COPG2: variants seen among roughly 807,000 people sequenced by gnomAD.
COPG2 encodes the protein coatomer subunit gamma-2.
Under a neutral mutation model 46.3 loss-of-function variants are expected in COPG2, and 37 were observed. The ratio of observed to expected loss-of-function variants is 0.80; its 90% CI spans 0.61 to 1.05. The LOEUF is 1.05. Ranked by LOEUF, COPG2 falls within the 50% of genes least tolerant of loss-of-function variation. The pLI is 0.00. For synonymous variants in COPG2, 159 were observed against 129.7 expected, an observed-to-expected ratio of 1.23 and a Z score of -1.53; for missense variants, 427 against 387.8, an observed-to-expected ratio of 1.10 and a Z score of -0.85.
At chr7:130,641,175 CA>C (rs34617870) in intron 5 of COPG2, among the ~76,000 whole-genome samples, 19,120 of 87,430 alleles carry the variant, frequency 0.22, 787 homozygotes, top group Middle Eastern at 0.28. Context: ...CCCTACCTCT[CA>C]AAAAAAAAAA....
chr7:130,574,652 C>T (rs966268964), intron 9 of COPG2, among the ~76,000 whole-genome samples: 2 of 152,010 alleles, frequency 1.3e-5, no homozygotes, highest in African/African-American at 4.8e-5. Flanking sequence ...CACCTCCCCC[C>T]CCAAAAAAAT....
chr7:130,583,999 G>T (rs527761923), intron 9 of COPG2, among the ~76,000 whole-genome samples: 1 of 151,468 alleles, frequency 6.6e-6, no homozygotes, highest in African/African-American at 2.4e-5. Flanking sequence ...ACCATGAAAG[G>T]ACATAACAAA....
intron 14 of COPG2, among the ~76,000 whole-genome samples, chr7:130,553,854 T>TA (rs1215964676): frequency 3.3e-5 from 5 of 152,210 alleles, no homozygotes; most frequent in African/African-American, 1.2e-4. Context: ...GTTCAGTCAA[T>TA]AGCACATCAA....
intron 5 of COPG2, among the ~76,000 whole-genome samples, chr7:130,623,131 A>G (rs10239175): frequency 0.16 from 23,585 of 152,018 alleles, 3,502 homozygotes; most frequent in African/African-American, 0.39. Flanking sequence ...ACTCAGAAAT[A>G]TATAATCCTG....
rs558617588 is a variant in COPG2, at chr7:130,607,274, T to G, written c.737+3679A>C. On this transcript the variant is annotated intron_variant, in intron 9 of 23. Coordinates refer to ENST00000425248, the MANE Select transcript of COPG2 (RefSeq NM_012133.6). ...ATAAATAAATAAATAAATAAATAAA[T>G]AAATAAATAAAGTCATGGACAAATT... Among the ~76,000 whole-genome samples, 688 of 151,668 alleles carry G rather than the reference T, an allele frequency of 4.5e-3. 4 individuals are homozygous for G. The highest frequency in any genetic ancestry group is 6.4e-3 in the Non-Finnish European group (434 of 67,904).
intron 9 of COPG2, among the ~76,000 whole-genome samples, chr7:130,585,280 C>T (rs535967927): frequency 6.6e-6 from 1 of 152,186 alleles, no homozygotes; most frequent in South Asian, 2.1e-4. Flanking sequence ...CAGAATGAAA[C>T]TGGATCCTCA....
At chr7:130,587,045 G>A (rs531095323) in intron 9 of COPG2, among the ~76,000 whole-genome samples, 1 of 149,574 alleles carries the variant, frequency 6.7e-6, no homozygotes, top group East Asian at 1.9e-4. Flanking sequence ...GGTGGCTCAC[G>A]CTTGTAATCC....
Position 130,589,999 on chromosome 7 carries a change from C to T in COPG2, c.737+20954G>A, listed in dbSNP as rs374137413. Among the ~76,000 whole-genome samples the T allele has an allele frequency of 2.1e-3, 315 of 152,170 alleles. 2 individuals carry two copies. Among genetic ancestry groups the T allele is most frequent in the African/African-American group, 6.8e-3 (281 of 41,514 alleles). On this transcript the variant is annotated intron_variant, in intron 9 of 23. Coordinates refer to ENST00000425248, the MANE Select transcript of COPG2 (RefSeq NM_012133.6). ...TTATGTATTTTTTAATCGTAAAAGA[C>T]GTTAAATTTTTGTTGTAAAAACTAT...
chr7:130,566,655 C>T (rs1793808404), intron 9 of COPG2, among the ~76,000 whole-genome samples: 1 of 152,130 alleles, frequency 6.6e-6, no homozygotes, highest in Admixed American at 6.5e-5. Context: ...CAATTTTAGG[C>T]CTGGGAGGGA....
intron 9 of COPG2, among the ~76,000 whole-genome samples, chr7:130,576,734 G>C (rs960186925): frequency 6.6e-6 from 1 of 151,976 alleles, no homozygotes; most frequent in African/African-American, 2.4e-5. Context: ...CCTAAACCTA[G>C]CAGAAGAAAG....
intron 9 of COPG2, among the ~76,000 whole-genome samples, chr7:130,592,638 A>C (rs1323483147): frequency 1.3e-5 from 2 of 152,220 alleles, no homozygotes; most frequent in Non-Finnish European, 2.9e-5. Context: ...AAAATATAGC[A>C]AACACGCCAG....
At chr7:130,620,048 C>T (rs111620247) in intron 5 of COPG2, among the ~76,000 whole-genome samples, 128 of 152,274 alleles carry the variant, frequency 8.4e-4, no homozygotes, top group African/African-American at 2.8e-3. Flanking sequence ...TATTGGAATA[C>T]AGTATGCTAT....
intron 12 of COPG2, among the ~76,000 whole-genome samples, chr7:130,557,820 A>AAAAAAAAAC: frequency 6.8e-6 from 1 of 146,004 alleles, no homozygotes; most frequent in African/African-American, 2.5e-5. Flanking sequence ...TCCATCTCAA[A>AAAAAAAAAC]AAAAAAAAAA....
rs1795108346 is a variant in COPG2, at chr7:130,625,766, A to AT, written c.324-8702dup. On this transcript the variant is annotated intron_variant, in intron 5 of 23. Transcript: ENST00000425248. ...ATTTAATAATTAGATATGTTTTTCT[A>AT]TTTTTTCCTCATTAATTTCTGTTTT... 2.0e-5 allele frequency among the ~76,000 whole-genome samples: 3 copies of AT among 149,414 alleles called. No individual in the cohort carries two copies. In the South Asian group the frequency reaches 6.3e-4, roughly 32 times the overall value.
At chr7:130,594,860 A>G (rs921255738) in intron 9 of COPG2, among the ~76,000 whole-genome samples, 1 of 152,184 alleles carries the variant, frequency 6.6e-6, no homozygotes, top group South Asian at 2.1e-4. Context: ...AAAGACAGAC[A>G]ATGACAAGTG....
At chr7:130,606,647 G>A (rs1794738292) in intron 9 of COPG2, among the ~76,000 whole-genome samples, 1 of 152,184 alleles carries the variant, frequency 6.6e-6, no homozygotes, top group African/African-American at 2.4e-5. Flanking sequence ...TTATCTTGCT[G>A]TTTACAGTAA....
At chr7:130,668,078 C>A (rs1554461737) in intron 1 of COPG2, among the ~76,000 whole-genome samples, 1 of 152,138 alleles carries the variant, frequency 6.6e-6, no homozygotes, top group Non-Finnish European at 1.5e-5. Context: ...CAAAGACGGG[C>A]ATCAAGACGC....
chr7:130,655,591 T>A (rs1795834020), intron 4 of COPG2, among the ~76,000 whole-genome samples: 1 of 152,144 alleles, frequency 6.6e-6, no homozygotes, highest in South Asian at 2.1e-4. Context: ...CCCCTCTTTT[T>A]TCTCTCCAGC....
In COPG2 at chr7:130,536,596, G is replaced by A. The variant is rs1272490601; in HGVS notation, c.2149+11078C>T. 4.6e-5 allele frequency among the ~76,000 whole-genome samples: 7 copies of A among 152,220 alleles called. No individual in the cohort carries two copies. The East Asian group carries it at 5.8e-4, about 13-fold the overall frequency. On this transcript the variant is annotated intron_variant, in intron 20 of 23. Coordinates refer to ENST00000425248, the MANE Select transcript of COPG2 (RefSeq NM_012133.6). Reference sequence around the variant, plus strand: ...TCGGGTGAGAATCACTGGTGGACGCGGGAGGATGGAGAGCCGGACAGACAT... The same window carrying A: ...TCGGGTGAGAATCACTGGTGGACGCAGGAGGATGGAGAGCCGGACAGACAT...
Sources: gnomAD v4.1 joint callset for allele counts (sites outside exome capture counted in the v4.1 genomes callset) on GRCh38, gnomAD v4.1.1 for gene constraint, MANE v1.5 for transcripts, NCBI Gene and HGNC (gene_info 2026-07-23, HGNC 2026-07-21) for gene names.